The following CNPY3 variants were observed in gnomAD, a reference collection of about 807,000 sequenced individuals.
CNPY3 encodes the protein canopy FGF signaling regulator 3, also known as protein canopy homolog 3.
A neutral mutation model predicts 32.0 loss-of-function variants in CNPY3; 20 were observed. The observed-to-expected ratio is 0.63, with a 90% CI of 0.44 to 0.91. The LOEUF (loss-of-function observed/expected upper bound fraction) is 0.91. Ranked by LOEUF, CNPY3 falls within the 40% of genes least tolerant of loss-of-function variation. The probability of loss-of-function intolerance (pLI) is 0.00; values close to 1 mark genes in which losing one functional copy is unlikely to be tolerated. For synonymous variants in CNPY3, 138 were observed against 142.9 expected, an observed-to-expected ratio of 0.97 and a Z score of 0.24; for missense variants, 299 against 340.8, an observed-to-expected ratio of 0.88 and a Z score of 0.97.
At chr6:42,928,149 G>A (rs1283391162), upstream of CNPY3, among the ~76,000 whole-genome samples, 7 of 150,750 alleles carry the variant, frequency 4.6e-5, no homozygotes, top group African/African-American at 1.5e-4. Flanking sequence ...CACCACGCCC[G>A]GCTAACTTTT....
At chr6:42,931,173 A>C (rs1157287377) in intron 1 of CNPY3, among the ~76,000 whole-genome samples, 3 of 149,930 alleles carry the variant, frequency 2.0e-5, no homozygotes, top group African/African-American at 7.4e-5. Context: ...TATAGGCGTG[A>C]GCCTCTGCTC....
At chr6:42,928,326 TG>T (rs34224541), upstream of CNPY3, among the ~76,000 whole-genome samples, 715 of 151,164 alleles carry the variant, frequency 4.7e-3, 7 homozygotes, top group African/African-American at 0.016. Context: ...ATTTTTGAGA[TG>T]GGGGGGGTGT....
chr6:42,936,872 GTGTGTA>G (rs1768273198), intron 3 of CNPY3, among the ~76,000 whole-genome samples: 1 of 152,116 alleles, frequency 6.6e-6, no homozygotes, highest in African/African-American at 2.4e-5. Flanking sequence ...GTGCAAAATA[GTGTGTA>G]TGCTATACCA....
chr6:42,938,066 A>G lies in CNPY3; in HGVS notation c.496-24A>G, dbSNP rs183199243. ...GCGAGTCAGGTGCTGGGGCTTTGCC[A>G]ATATGAGGTATTATGATTAACAGTG... On this transcript the variant is annotated intron_variant, in intron 4 of 5. Transcript: ENST00000372836. 8,880 of 1,596,716 alleles carry G rather than the reference A, an allele frequency of 5.6e-3. 36 individuals carry two copies. Among genetic ancestry groups the G allele is most frequent in the Non-Finnish European group, 6.6e-3 (7,691 of 1,164,334 alleles).
intron 5 of CNPY3, 86 bp from the exon 6 acceptor site, chr6:42,938,482 T>A: frequency 1.5e-6 from 2 of 1,294,728 alleles, no homozygotes; most frequent in Non-Finnish European, 2.1e-6. Flanking sequence ...CAGTTGCTAC[T>A]CCCACGGCTC....
At chr6:42,929,186 A>T, upstream of CNPY3, 1 of 172,542 alleles carries the variant, frequency 5.8e-6, no homozygotes. Context: ...AATCCGTCCC[A>T]CCCAGGCCCA....
At chr6:42,935,142 AC>A (rs1768126562) in intron 2 of CNPY3, among the ~76,000 whole-genome samples, 1 of 152,190 alleles carries the variant, frequency 6.6e-6, no homozygotes, top group East Asian at 1.9e-4. Flanking sequence ...TGCTGGGATT[AC>A]AGGTGTGAGC....
intron 2 of CNPY3, 95 bp from the exon 3 acceptor site, chr6:42,935,479 A>G: frequency 1.4e-6 from 2 of 1,472,300 alleles, no homozygotes; most frequent in Non-Finnish European, 1.8e-6. Context: ...CATTGGTGAG[A>G]TGTGCAGGTG....
At chr6:42,937,203 G>A (rs1009640189) in intron 3 of CNPY3, among the ~76,000 whole-genome samples, 1 of 152,148 alleles carries the variant, frequency 6.6e-6, no homozygotes, top group African/African-American at 2.4e-5. Context: ...AGGGCCTGAG[G>A]GCAGCCGCAG....
At chr6:42,934,657 TG>T (rs1317645827) in intron 2 of CNPY3, 59 bp downstream of exon 2, 20 of 1,604,034 alleles carry the variant, frequency 1.2e-5, no homozygotes, top group Non-Finnish European at 1.7e-5. Flanking sequence ...TTCAGGGGTT[TG>T]GAGTTCCCTT....
chr6:42,938,480 A>G, intron 5 of CNPY3, 88 bp from the exon 6 acceptor site: 2 of 1,271,254 alleles, frequency 1.6e-6, no homozygotes, highest in Non-Finnish European at 1.1e-6. Flanking sequence ...CCCAGTTGCT[A>G]CTCCCACGGC....
upstream of CNPY3, chr6:42,929,435 C>A: frequency 4.3e-6 from 4 of 930,756 alleles, no homozygotes; most frequent in Non-Finnish European, 6.2e-6. Flanking sequence ...GAGAGGAGGG[C>A]GGGCGGGAGG....
intron 1 of CNPY3, among the ~76,000 whole-genome samples, chr6:42,931,771 T>C (rs1400867771): frequency 6.6e-6 from 1 of 152,162 alleles, no homozygotes; most frequent in Non-Finnish European, 1.5e-5. Context: ...TTGCCCAGGC[T>C]GGAGTGCAAT....
Position 42,935,692 on chromosome 6 carries a change from C to T in CNPY3, c.372+22C>T, listed in dbSNP as rs2234190. 19 of 1,602,092 alleles carry T rather than the reference C, an allele frequency of 1.2e-5. No homozygotes were observed. The African/African-American group carries it at 2.3e-4, about 19-fold the overall frequency. On this transcript the variant is annotated intron_variant, in intron 3 of 5. Coordinates refer to ENST00000372836, the MANE Select transcript of CNPY3 (RefSeq NM_006586.5). ...CAAGGTTGGATTCGGGATTGTCCTT[C>T]ATCCGCTCTGGGGTCAGGCCTGCAT...
At chr6:42,937,891 T>TGG (rs762737149) in intron 4 of CNPY3, 52 bp downstream of exon 4, 1 of 1,609,666 alleles carries the variant, frequency 6.2e-7, no homozygotes. Context: ...GAGGGGCTGG[T>TGG]GGGGATTGGG....
intron 1 of CNPY3, among the ~76,000 whole-genome samples, chr6:42,932,233 C>A (rs773267148): frequency 3.3e-5 from 5 of 152,192 alleles, no homozygotes; most frequent in Non-Finnish European, 5.9e-5. Flanking sequence ...AAGGGATTTG[C>A]AGTCACAGGA....
chr6:42,938,552 C>G lies in CNPY3; in HGVS notation c.614-16C>G. 1 of 1,563,674 alleles carries G rather than the reference C, an allele frequency of 6.4e-7. No homozygotes were observed. The highest frequency in any genetic ancestry group is 1.7e-4 in the Middle Eastern group (1 of 5,968). On this transcript the variant is annotated splice_polypyrimidine_tract_variant and intron_variant, in intron 5 of 5. Transcript: ENST00000372836. ...TGAGGCACTTCTGTTGAGGGTCTCT[C>G]TCCTCCACACCCTAGGTTGCCTGGC...
intron 1 of CNPY3, among the ~76,000 whole-genome samples, chr6:42,933,547 T>C (rs773322187): frequency 2.0e-4 from 31 of 152,186 alleles, no homozygotes; most frequent in Non-Finnish European, 4.1e-4. Flanking sequence ...CTAACAACCA[T>C]AAAAGATGTT....
intron 1 of CNPY3, 134 bp downstream of exon 1, chr6:42,929,855 C>A: frequency 9.6e-7 from 1 of 1,038,966 alleles, no homozygotes; most frequent in Non-Finnish European, 1.3e-6. Context: ...AGGCTTGCGC[C>A]GGGACGCTGC....
Sources: gnomAD v4.1 joint callset for allele counts (sites outside exome capture counted in the v4.1 genomes callset) on GRCh38, gnomAD v4.1.1 for gene constraint, MANE v1.5 for transcripts, NCBI Gene and HGNC (gene_info 2026-07-23, HGNC 2026-07-21) for gene names.